TEK: variants seen among roughly 807,000 people sequenced by gnomAD.
TEK encodes angiopoietin-1 receptor.
A neutral mutation model predicts 131.8 loss-of-function variants in TEK; 43 were observed. That is an observed-to-expected ratio of 0.33 (90% CI 0.26 to 0.42). The LOEUF is 0.42. Ranked by LOEUF, TEK falls within the 10% of genes least tolerant of loss-of-function variation. TEK has a pLI of 1.00. For missense variants in TEK, 1,162 were observed against 1,384.4 expected (o/e 0.84, Z 2.55); for synonymous variants, 580 against 491.6 (o/e 1.18, Z -2.38).
intron 21 of TEK, among the ~76,000 whole-genome samples, chr9:27,221,085 G>A (rs1291137182): frequency 6.6e-6 from 1 of 152,200 alleles, no homozygotes; most frequent in African/African-American, 2.4e-5. Flanking sequence ...CTTGGTGAGG[G>A]GAGAGGCATC....
intron 1 of TEK, among the ~76,000 whole-genome samples, chr9:27,144,860 G>A (rs1822857334): frequency 6.6e-6 from 1 of 152,154 alleles, no homozygotes; most frequent in African/African-American, 2.4e-5. Flanking sequence ...GTTCGAGAGG[G>A]AAGAAAAGCA....
rs1162036701 is a variant in TEK, at chr9:27,185,637, C to G, written c.1327+8C>G. ...TCAACATTTCTGTTAAAGGTAAGTT[C>G]ATTTCCCAGAAAAAGGGATTGTGTC... On this transcript the variant is annotated splice_region_variant and intron_variant, in intron 9 of 22. Coordinates refer to ENST00000380036, the MANE Select transcript of TEK (RefSeq NM_000459.5). 6.2e-7 allele frequency: 1 copy of G among 1,613,464 alleles called. No homozygotes were observed. The highest frequency in any genetic ancestry group is 2.2e-5 in the East Asian group (1 of 44,826).
At chr9:27,143,110 GT>G (rs1415831832) in intron 1 of TEK, among the ~76,000 whole-genome samples, 1 of 152,180 alleles carries the variant, frequency 6.6e-6, no homozygotes, top group Non-Finnish European at 1.5e-5. Context: ...CTGGGCTTCT[GT>G]TTCTTTATCA....
Position 27,111,866 on chromosome 9 carries a change from A to G in TEK, c.52+2224A>G, listed in dbSNP as rs559851338. Among the ~76,000 whole-genome samples, 4 of 150,574 alleles carry G rather than the reference A, an allele frequency of 2.7e-5. No individual in the cohort carries two copies. In the Admixed American group the frequency reaches 2.7e-4, roughly 10 times the overall value. On this transcript the variant is annotated intron_variant, in intron 1 of 22. Coordinates refer to ENST00000380036, the MANE Select transcript of TEK (RefSeq NM_000459.5). The stretch of plus-strand genomic sequence containing the variant: ...GATCTAATAGGAAGTCTCTAGTCTC[A>G]TGCTTTCATACCTCTTTACTGTGTC...
rs56154987 is a variant in TEK, at chr9:27,212,861, C to T, written c.2841C>T (p.Asp947=). ...SSQQLLHFAA[D]VARGMDYLSQ... is the part of the protein sequence containing the mutation. ...AGCAGCTCCTTCACTTCGCTGCCGA[C>T]GTGGCCCGGGGCATGGACTACTTGA... Residue 947 remains aspartate (D), a synonymous_variant, in exon 17 of 23, where the codon GAC becomes GAT. Transcript: ENST00000380036. 2.4e-5 allele frequency: 38 copies of T among 1,614,002 alleles called. No individual in the cohort carries two copies. Among genetic ancestry groups the T allele is most frequent in the Middle Eastern group, 1.6e-4 (1 of 6,084 alleles).
rs41303213 is a variant in TEK, at chr9:27,197,617, C to G, written c.1909+18C>G. 8.1e-5 allele frequency: 131 copies of G among 1,613,542 alleles called. No individual in the cohort carries two copies. The highest frequency in any genetic ancestry group is 1.1e-4 in the Non-Finnish European group (127 of 1,179,814). The stretch of plus-strand genomic sequence containing the variant: ...TAGTGACAGTAAGTAATTCATGCTG[C>G]TCCAGCCTCATCTGAGCAATAAGGG... On this transcript the variant is annotated intron_variant, in intron 12 of 22. Coordinates refer to ENST00000380036, the MANE Select transcript of TEK (RefSeq NM_000459.5).
intron 6 of TEK, among the ~76,000 whole-genome samples, chr9:27,173,662 A>G (rs747619243): frequency 1.3e-5 from 2 of 151,096 alleles, no homozygotes; most frequent in African/African-American, 2.4e-5. Context: ...CAGGCTCCCA[A>G]GTAGTTCCGA....
chr9:27,222,075 G>A (rs765926190), intron 21 of TEK, among the ~76,000 whole-genome samples: 1 of 152,134 alleles, frequency 6.6e-6, no homozygotes, highest in African/African-American at 2.4e-5. Flanking sequence ...ATCACAGCAC[G>A]AATACTTCTA....
intron 1 of TEK, among the ~76,000 whole-genome samples, chr9:27,123,471 T>G (rs1185642573): frequency 6.6e-6 from 1 of 152,284 alleles, no homozygotes; most frequent in Non-Finnish European, 1.5e-5. Context: ...ATAAATACAC[T>G]GTAATGAGGG....
At chr9:27,137,882 A>G (rs184580556) in intron 1 of TEK, among the ~76,000 whole-genome samples, 3 of 152,200 alleles carry the variant, frequency 2.0e-5, no homozygotes, top group Admixed American at 1.3e-4. Context: ...TCTTGGTCTC[A>G]CTGTGGACCC....
At chr9:27,111,547 GC>G (rs1821348191) in intron 1 of TEK, among the ~76,000 whole-genome samples, 2 of 139,552 alleles carry the variant, frequency 1.4e-5, no homozygotes, top group African/African-American at 5.2e-5. Flanking sequence ...AAAAAAAAAA[GC>G]CACTTTTTTT....
chr9:27,139,522 A>T (rs1822640854), intron 1 of TEK, among the ~76,000 whole-genome samples: 1 of 151,432 alleles, frequency 6.6e-6, no homozygotes, highest in Non-Finnish European at 1.5e-5. Flanking sequence ...ACGGGGTTTC[A>T]CCATGTTGCC....
chr9:27,178,787 C>A (rs1373467529), intron 6 of TEK, among the ~76,000 whole-genome samples: 1 of 152,184 alleles, frequency 6.6e-6, no homozygotes, highest in African/African-American at 2.4e-5. Flanking sequence ...AATAATGCTT[C>A]TACCCTGTCT....
chr9:27,173,292 T>A lies in TEK; in HGVS notation c.831T>A (p.Tyr277Ter). 2 of 1,614,128 alleles carry A rather than the reference T, an allele frequency of 1.2e-6. No individual in the cohort carries two copies. The highest frequency in any genetic ancestry group is 1.7e-6 in the Non-Finnish European group (2 of 1,179,968). ...RCSGQEGCKS[Y>*]VFCLPDPYGC... is the part of the protein sequence containing the mutation. ...GTGGACAAGAGGGATGCAAGTCTTA[T>A]GTGTTCTGTCTCCCTGACCCCTATG... The change falls in exon 6 of 23, where the codon TAT (tyrosine) becomes TAA (stop). Residue 277 changes from tyrosine (Y) to a stop codon, truncating the protein, a stop_gained. Coordinates refer to ENST00000380036, the MANE Select transcript of TEK (RefSeq NM_000459.5). LOFTEE classifies it high-confidence loss of function.
intron 12 of TEK, among the ~76,000 whole-genome samples, chr9:27,199,371 G>A (rs373604663): frequency 1.3e-5 from 2 of 152,250 alleles, no homozygotes; most frequent in South Asian, 4.2e-4. Context: ...ATAGACAGGT[G>A]TGAGAGTTTT....
chr9:27,204,862 T>G (rs1564096338), intron 13 of TEK, 49 bp from the exon 14 acceptor site: 2 of 1,611,412 alleles, frequency 1.2e-6, no homozygotes, highest in East Asian at 4.5e-5. Flanking sequence ...GTGGGTCTGT[T>G]TCTCTATGTA....
intron 3 of TEK, 63 bp downstream of exon 3, chr9:27,168,668 T>C (rs2131141324): frequency 1.7e-6 from 2 of 1,195,704 alleles, no homozygotes; most frequent in Non-Finnish European, 2.4e-6. Flanking sequence ...ATACAACATA[T>C]TGAATCATTT....
At chr9:27,131,018 A>C (rs552963931) in intron 1 of TEK, among the ~76,000 whole-genome samples, 1 of 152,354 alleles carries the variant, frequency 6.6e-6, no homozygotes, top group African/African-American at 2.4e-5. Context: ...CTCTAAAACA[A>C]ATTTAAATCA....
chr9:27,204,276 G>C, intron 13 of TEK, among the ~76,000 whole-genome samples: 1 of 151,930 alleles, frequency 6.6e-6, no homozygotes, highest in Non-Finnish European at 1.5e-5. Flanking sequence ...AAAATATATC[G>C]AGTTTAATTT....
Sources: allele counts gnomAD v4.1 joint callset (sites outside exome capture counted in the v4.1 genomes callset), GRCh38; gene constraint gnomAD v4.1.1; transcripts MANE v1.5; gene names NCBI Gene and HGNC (gene_info 2026-07-23, HGNC 2026-07-21).